Variants in SPAG9 observed in about 807,000 individuals in gnomAD.
The protein encoded by SPAG9 is C-Jun-amino-terminal kinase-interacting protein 4.
A neutral mutation model predicts 166.5 loss-of-function variants in SPAG9; 35 were observed. That is an observed-to-expected ratio of 0.21 (90% CI 0.16 to 0.28). The LOEUF is 0.28. Ranked by LOEUF, SPAG9 falls within the 10% of genes least tolerant of loss-of-function variation. SPAG9 has a pLI of 1.00. For synonymous variants in SPAG9, 534 were observed against 565.5 expected (o/e 0.94, Z 0.79); for missense variants, 1,235 against 1,603.3 (o/e 0.77, Z 3.92).
chr17:50,962,922 T>C lies in SPAG9; in HGVS notation c.*3350A>G, dbSNP rs1273013624. ...ATTGTGCTCAAAATGTTTTATACTCTCCACAAGCTGCAATTAAGAGATTCA... is the reference window on the plus strand; with the variant it reads ...ATTGTGCTCAAAATGTTTTATACTCCCCACAAGCTGCAATTAAGAGATTCA... On this transcript the variant is annotated 3_prime_UTR_variant, in exon 30 of 30. Coordinates refer to ENST00000262013, the MANE Select transcript of SPAG9 (RefSeq NM_001130528.3). 6.6e-6 allele frequency: 1 copy of C among 152,222 alleles called. No homozygotes were observed. The highest frequency in any genetic ancestry group is 1.5e-5 in the Non-Finnish European group (1 of 68,036). 9.4% of individuals were successfully genotyped at this position (152,222 alleles called of 1,614,324 possible).
rs2045308960 is a variant in SPAG9, at chr17:51,008,262, G to C, written c.1214-936C>G. Among the ~76,000 whole-genome samples, 2 of 152,116 alleles carry C rather than the reference G, an allele frequency of 1.3e-5. 1 individual carries two copies. The highest frequency in any genetic ancestry group is 4.1e-4 in the South Asian group (2 of 4,832). ...TAAGCACGTAGAGCATCCAATGCAAGATCCAATGGAGTGGTCTTTAGGGAG... is the reference window on the plus strand; with the variant it reads ...TAAGCACGTAGAGCATCCAATGCAACATCCAATGGAGTGGTCTTTAGGGAG... On this transcript the variant is annotated intron_variant, in intron 9 of 29. Transcript: ENST00000262013.
At chr17:51,097,908 G>A (rs1202221947) in intron 1 of SPAG9, among the ~76,000 whole-genome samples, 1 of 151,958 alleles carries the variant, frequency 6.6e-6, no homozygotes, top group African/African-American at 2.4e-5. Flanking sequence ...CTGCAACCTC[G>A]ACCTTCAGGG....
intron 1 of SPAG9, among the ~76,000 whole-genome samples, chr17:51,103,636 G>A (rs1326998547): frequency 2.6e-5 from 4 of 152,172 alleles, no homozygotes; most frequent in East Asian, 3.8e-4. Context: ...GCTTTAGAAA[G>A]AGCAACTGGC....
chr17:50,988,078 T>C (rs1975209940), intron 21 of SPAG9, among the ~76,000 whole-genome samples: 1 of 152,178 alleles, frequency 6.6e-6, no homozygotes, highest in South Asian at 2.1e-4. Flanking sequence ...TAGCTGGGTG[T>C]GGCAGCACAT....
chr17:51,101,179 C>G (rs1443875780), intron 1 of SPAG9, among the ~76,000 whole-genome samples: 2 of 151,622 alleles, frequency 1.3e-5, no homozygotes, highest in African/African-American at 4.8e-5. Context: ...AACACCGTCT[C>G]TACTAAAAAT....
intron 9 of SPAG9, among the ~76,000 whole-genome samples, chr17:51,011,759 C>A (rs188906179): frequency 5.3e-5 from 8 of 152,220 alleles, no homozygotes; most frequent in African/African-American, 1.9e-4. Flanking sequence ...TTAAAATATT[C>A]TAATCTGAAC....
chr17:51,066,595 G>A (rs1014938451), intron 2 of SPAG9, among the ~76,000 whole-genome samples: 5 of 139,686 alleles, frequency 3.6e-5, no homozygotes, highest in African/African-American at 1.0e-4. Flanking sequence ...CATGGCTCAC[G>A]CCTGTAATCC....
At chr17:50,981,483 A>AAGATAGAC (rs1974607748) in intron 25 of SPAG9, among the ~76,000 whole-genome samples, 6 of 143,848 alleles carry the variant, frequency 4.2e-5, no homozygotes, top group Non-Finnish European at 6.0e-5. Context: ...TACACAGATA[A>AAGATAGAC]AGATAGATAG....
chr17:51,111,901 C>T (rs2049123199), intron 1 of SPAG9, among the ~76,000 whole-genome samples: 2 of 152,076 alleles, frequency 1.3e-5, no homozygotes, highest in South Asian at 2.1e-4. Context: ...CCATGCGTAG[C>T]GTTCTTTTGT....
At chr17:51,028,474 T>G (rs2046273228) in intron 6 of SPAG9, among the ~76,000 whole-genome samples, 1 of 152,236 alleles carries the variant, frequency 6.6e-6, no homozygotes, top group Non-Finnish European at 1.5e-5. Flanking sequence ...CTGTATCTTT[T>G]CTATGTTTAG....
Position 51,053,885 on chromosome 17 carries a change from A to AG in SPAG9, c.495+2526_495+2527insC, listed in dbSNP as rs1240276124. 1.5e-3 allele frequency among the ~76,000 whole-genome samples: 177 copies of AG among 116,328 alleles called. 3 individuals carry two copies. Among genetic ancestry groups the AG allele is most frequent in the African/African-American group, 3.4e-3 (95 of 27,772 alleles). 76.3% of individuals were successfully genotyped at this position (116,328 alleles called of 152,430 possible). ...TATATATATATATATATATATATAT[A>AG]TATATATATATATAAAACATATATG... On this transcript the variant is annotated intron_variant, in intron 3 of 29. Coordinates refer to ENST00000262013, the MANE Select transcript of SPAG9 (RefSeq NM_001130528.3).
At chr17:50,994,919 A>C (rs186782103) in intron 18 of SPAG9, 138 bp downstream of exon 18, 1 of 605,102 alleles carries the variant, frequency 1.7e-6, no homozygotes, top group Admixed American at 2.9e-5. Flanking sequence ...TTTAAAATTG[A>C]TTTTAAAAGG....
intron 25 of SPAG9, among the ~76,000 whole-genome samples, chr17:50,981,428 GGATA>G (rs946298238): frequency 6.6e-6 from 1 of 151,052 alleles, no homozygotes; most frequent in African/African-American, 2.4e-5. Context: ...ATGGATGGAT[GGATA>G]GACAGCCAGA....
At chr17:51,099,759 T>TAAAAAAAAAAAAA (rs58721041) in intron 1 of SPAG9, among the ~76,000 whole-genome samples, 1 of 43,654 alleles carries the variant, frequency 2.3e-5, no homozygotes, top group Non-Finnish European at 4.8e-5. Flanking sequence ...CTTCTATTAC[T>TAAAAAAAAAAAAA]AAAAAAAAAA....
At position 50,974,925 on chromosome 17, in the gene SPAG9, T is replaced by C; in HGVS notation, c.3546A>G (p.Pro1182=). Residue 1182 remains proline (P), a synonymous_variant, in exon 28 of 30, where the codon CCA becomes CCG. Coordinates refer to ENST00000262013, the MANE Select transcript of SPAG9 (RefSeq NM_001130528.3). ...GGATTACACTTCCAGGACGATTTCC[T>C]GGTACACCTGAGGTTTTATTTGCTG... ...LTETNKTSGV[P]GNRPGSVIRV... The C allele has an allele frequency of 6.2e-7, 1 of 1,609,976 alleles. No homozygotes were observed. Among genetic ancestry groups the C allele is most frequent in the South Asian group, 1.1e-5 (1 of 89,862 alleles).
chr17:51,077,029 T>TCTAGCTAGCTAGCTAG (rs1442787507), intron 2 of SPAG9, among the ~76,000 whole-genome samples: 5 of 65,294 alleles, frequency 7.7e-5, no homozygotes, highest in African/African-American at 1.7e-4. Flanking sequence ...TATCTAGCTA[T>TCTAGCTAGCTAGCTAG]CTATCTAGCT....
chr17:50,995,663 T>C, intron 16 of SPAG9, 130 bp from the exon 17 acceptor site: 1 of 629,930 alleles, frequency 1.6e-6, no homozygotes, highest in Non-Finnish European at 2.8e-6. Flanking sequence ...GTTCAGGTTT[T>C]TTGTTTTTTT....
At chr17:51,015,775 T>C (rs1597998360) in intron 8 of SPAG9, among the ~76,000 whole-genome samples, 1 of 146,836 alleles carries the variant, frequency 6.8e-6, no homozygotes, top group South Asian at 2.2e-4. Context: ...ATAAAAGAGA[T>C]AGGAAAGAGG....
intron 1 of SPAG9, among the ~76,000 whole-genome samples, chr17:51,082,375 C>T (rs1478257207): frequency 5.2e-5 from 4 of 77,478 alleles, no homozygotes; most frequent in African/African-American, 1.3e-4. Flanking sequence ...GCAAGACTGT[C>T]TCAAAAAAAA....
Sources: allele counts gnomAD v4.1 joint callset (sites outside exome capture counted in the v4.1 genomes callset), GRCh38; gene constraint gnomAD v4.1.1; transcripts MANE v1.5; gene names NCBI Gene and HGNC (gene_info 2026-07-23, HGNC 2026-07-21).